The following MACROD2 variants were observed in gnomAD, a reference collection of about 807,000 sequenced individuals.
MACROD2 encodes ADP-ribose glycohydrolase MACROD2.
Under a neutral mutation model 70.4 loss-of-function variants are expected in MACROD2, and 36 were observed. The observed-to-expected ratio is 0.51, with a 90% CI of 0.39 to 0.68. MACROD2 has a LOEUF of 0.68. Ranked by LOEUF, MACROD2 falls within the 30% of genes least tolerant of loss-of-function variation. The pLI is 0.00. For synonymous variants in MACROD2, 172 were observed against 178.8 expected (o/e 0.96, Z 0.30); for missense variants, 496 against 538.4 (o/e 0.92, Z 0.78).
intron 6 of MACROD2, among the ~76,000 whole-genome samples, chr20:15,289,097 C>T (rs1877275636): frequency 6.6e-6 from 1 of 152,138 alleles, no homozygotes. Flanking sequence ...GCCTGCCCGC[C>T]TCACCCATGG....
intron 8 of MACROD2, among the ~76,000 whole-genome samples, chr20:15,818,810 T>C (rs2063904465): frequency 6.6e-6 from 1 of 152,190 alleles, no homozygotes; most frequent in African/African-American, 2.4e-5. Context: ...ATCACAGCAC[T>C]GACCACGCTC....
chr20:14,716,675 C>T (rs1391637838), intron 5 of MACROD2, among the ~76,000 whole-genome samples: 1 of 152,056 alleles, frequency 6.6e-6, no homozygotes, highest in Non-Finnish European at 1.5e-5. Flanking sequence ...CAATTATATA[C>T]TGCAGCTTGA....
At chr20:15,076,097 G>A (rs1350250608) in intron 5 of MACROD2, among the ~76,000 whole-genome samples, 1 of 148,466 alleles carries the variant, frequency 6.7e-6, no homozygotes, top group African/African-American at 2.6e-5. Context: ...ATGTGTGTCT[G>A]TGTGAATAAA....
chr20:14,131,670 G>A (rs1322170825), intron 3 of MACROD2, among the ~76,000 whole-genome samples: 1 of 152,158 alleles, frequency 6.6e-6, no homozygotes, highest in Non-Finnish European at 1.5e-5. Context: ...CTTAGCATTT[G>A]AAGATATTTG....
intron 8 of MACROD2, among the ~76,000 whole-genome samples, chr20:15,795,400 A>T (rs530813552): frequency 1.3e-5 from 2 of 152,106 alleles, no homozygotes; most frequent in Non-Finnish European, 2.9e-5. Context: ...GAAAGGCATC[A>T]AAGAGAAGAC....
At chr20:15,262,869 C>T (rs1434956968) in intron 6 of MACROD2, among the ~76,000 whole-genome samples, 2 of 151,422 alleles carry the variant, frequency 1.3e-5, no homozygotes, top group Non-Finnish European at 3.0e-5. Flanking sequence ...GTCTCAAAAC[C>T]TTTTGGCCAG....
intron 3 of MACROD2, among the ~76,000 whole-genome samples, chr20:14,105,169 AG>A (rs1456719476): frequency 6.6e-6 from 1 of 152,220 alleles, no homozygotes; most frequent in African/African-American, 2.4e-5. Flanking sequence ...TACACAAAAA[AG>A]CACCATCACA....
intron 5 of MACROD2, among the ~76,000 whole-genome samples, chr20:14,926,764 A>C (rs2074238160): frequency 6.6e-6 from 1 of 152,120 alleles, no homozygotes. Context: ...AGGAGGAAAA[A>C]ATGCTCTAGC....
chr20:15,494,475 A>G (rs755644629), intron 7 of MACROD2, among the ~76,000 whole-genome samples: 1 of 152,234 alleles, frequency 6.6e-6, no homozygotes, highest in African/African-American at 2.4e-5. Context: ...TATCCATACA[A>G]TGGAATGCAA....
intron 8 of MACROD2, among the ~76,000 whole-genome samples, chr20:15,562,907 G>A (rs901535642): frequency 2.0e-5 from 3 of 152,220 alleles, no homozygotes; most frequent in African/African-American, 7.2e-5. Flanking sequence ...GAGACCCAGT[G>A]ACAGAGGGAG....
Position 15,444,220 on chromosome 20 carries a change from C to T in MACROD2, c.571+12785C>T, listed in dbSNP as rs74663283. Among the ~76,000 whole-genome samples, 569 of 152,250 alleles carry T rather than the reference C, an allele frequency of 3.7e-3. 4 individuals are homozygous for T. Among genetic ancestry groups the T allele is most frequent in the African/African-American group, 0.013 (535 of 41,554 alleles). ...CATGTAGCAAAATATATTCAAAGTT[C>T]GTCCATGTCATAGCATCTGTAATTA... On this transcript the variant is annotated intron_variant, in intron 7 of 17. Transcript: ENST00000684519.
intron 6 of MACROD2, among the ~76,000 whole-genome samples, chr20:15,257,859 A>G (rs2077213158): frequency 6.6e-6 from 1 of 152,072 alleles, no homozygotes; most frequent in African/African-American, 2.4e-5. Context: ...TTCTGGAGGT[A>G]TTCCAGAAGA....
chr20:14,008,276 T>G (rs990709435), intron 2 of MACROD2, among the ~76,000 whole-genome samples: 1 of 152,188 alleles, frequency 6.6e-6, no homozygotes, highest in African/African-American at 2.4e-5. Flanking sequence ...CAGCAAAGTC[T>G]CAGGATACAA....
At chr20:16,021,978 G>A in intron 15 of MACROD2, among the ~76,000 whole-genome samples, 1 of 151,830 alleles carries the variant, frequency 6.6e-6, no homozygotes, top group East Asian at 1.9e-4. Context: ...CAGAATTATG[G>A]GTATTGTGGT....
intron 5 of MACROD2, among the ~76,000 whole-genome samples, chr20:15,022,538 A>G (rs1429353859): frequency 6.6e-6 from 1 of 152,238 alleles, no homozygotes; most frequent in Non-Finnish European, 1.5e-5. Flanking sequence ...GAACACTTGT[A>G]TTCATGTGAC....
chr20:14,730,582 A>G (rs760330711), intron 5 of MACROD2, among the ~76,000 whole-genome samples: 1 of 152,230 alleles, frequency 6.6e-6, no homozygotes, highest in Non-Finnish European at 1.5e-5. Context: ...ATTAAGAACA[A>G]AGAATTTGCT....
At position 15,607,579 on chromosome 20, in the gene MACROD2, G is replaced by A. The variant is rs143226927; in HGVS notation, c.645+107732G>A. Among the ~76,000 whole-genome samples the A allele has an allele frequency of 7.7e-4, 117 of 152,304 alleles. 1 individual carries two copies. The highest frequency in any genetic ancestry group is 1.4e-3 in the Non-Finnish European group (98 of 68,032). Reference sequence around the variant, plus strand: ...GACGAAGTCTCCTTCTGTCACCCAGGCTGGAGTGCAATGGCACTATCTTGG... The same window carrying A: ...GACGAAGTCTCCTTCTGTCACCCAGACTGGAGTGCAATGGCACTATCTTGG... On this transcript the variant is annotated intron_variant, in intron 8 of 17. Coordinates refer to ENST00000684519, the MANE Select transcript of MACROD2 (RefSeq NM_001351661.2).
At chr20:14,456,942 C>T (rs542090287) in intron 3 of MACROD2, among the ~76,000 whole-genome samples, 25 of 152,066 alleles carry the variant, frequency 1.6e-4, no homozygotes, top group Admixed American at 1.5e-3. Context: ...TGGTCTTGAT[C>T]TCCTGACCTC....
intron 3 of MACROD2, among the ~76,000 whole-genome samples, chr20:14,489,015 T>C (rs1887813097): frequency 6.6e-6 from 1 of 152,194 alleles, no homozygotes; most frequent in Non-Finnish European, 1.5e-5. Context: ...TTGTATTCTA[T>C]TTTTGGCTTC....
Sources: allele counts gnomAD v4.1 joint callset (sites outside exome capture counted in the v4.1 genomes callset), GRCh38; gene constraint gnomAD v4.1.1; transcripts MANE v1.5; gene names NCBI Gene and HGNC (gene_info 2026-07-23, HGNC 2026-07-21).